Variants in RANBP9 observed in about 807,000 individuals in gnomAD.
The protein encoded by RANBP9 is RAN binding protein 9, also known as ran-binding protein 9.
In RANBP9, 15 loss-of-function variants were observed where a neutral mutation model predicts 84.3. The observed-to-expected ratio is 0.18, with a 90% CI of 0.12 to 0.27. The LOEUF is 0.27. RANBP9 is among the 10% of genes least tolerant of loss of function. The pLI, the probability that RANBP9 is intolerant of heterozygous loss-of-function variation, is 1.00. For missense variants in RANBP9, 809 were observed against 912.8 expected (o/e 0.89, Z 1.46); for synonymous variants, 392 against 349.6 (o/e 1.12, Z -1.35).
intron 5 of RANBP9, among the ~76,000 whole-genome samples, chr6:13,648,480 G>A (rs1172208857): frequency 6.6e-6 from 1 of 152,074 alleles, no homozygotes; most frequent in African/African-American, 2.4e-5. Context: ...GTTCATCCAT[G>A]CAGCAGGTGC....
At chr6:13,630,884 A>T (rs1211937675) in intron 12 of RANBP9, among the ~76,000 whole-genome samples, 3 of 151,996 alleles carry the variant, frequency 2.0e-5, no homozygotes, top group Non-Finnish European at 4.4e-5. Flanking sequence ...TATGTTGCAC[A>T]GGCTGAACCT....
At chr6:13,692,489 C>T (rs536131051) in intron 2 of RANBP9, among the ~76,000 whole-genome samples, 163 of 135,706 alleles carry the variant, frequency 1.2e-3, no homozygotes, top group Non-Finnish European at 1.4e-3. Flanking sequence ...ATCACACCAT[C>T]GCACTCCAGC....
intron 3 of RANBP9, among the ~76,000 whole-genome samples, chr6:13,658,395 G>T (rs989174977): frequency 6.6e-6 from 1 of 152,178 alleles, no homozygotes; most frequent in African/African-American, 2.4e-5. Flanking sequence ...GATCACCTGA[G>T]GTCAGGGGCT....
chr6:13,684,979 G>A (rs925054429), intron 2 of RANBP9, among the ~76,000 whole-genome samples: 5 of 152,002 alleles, frequency 3.3e-5, no homozygotes, highest in Admixed American at 6.6e-5. Context: ...TGCCTCATTC[G>A]CCTCCTCAGC....
rs1758292907 is a variant in RANBP9, at chr6:13,711,660, G to A, written c.-155C>T. 3.4e-6 allele frequency: 2 copies of A among 580,122 alleles called. No individual in the cohort carries two copies. Among genetic ancestry groups the A allele is most frequent in the African/African-American group, 4.0e-5 (2 of 50,152 alleles). 35.9% of individuals were successfully genotyped at this position (580,122 alleles called of 1,614,324 possible). A position where few individuals can be genotyped will look rare whatever the true frequency, so the allele number is the denominator to read the frequency against. ...CCGCGCGCCCAGGGAGACCGCGGCG[G>A]TTGAGGAGCTCGGAGACGCGGGAGT... is the stretch of plus-strand genomic sequence containing the variant. On this transcript the variant is annotated 5_prime_UTR_variant, in exon 1 of 14. Coordinates refer to ENST00000011619, the MANE Select transcript of RANBP9 (RefSeq NM_005493.3).
intron 2 of RANBP9, among the ~76,000 whole-genome samples, chr6:13,663,977 A>C (rs1223664413): frequency 2.0e-5 from 3 of 152,134 alleles, no homozygotes; most frequent in Non-Finnish European, 4.4e-5. Flanking sequence ...AAAAGCAAGA[A>C]GGCCAGTGCT....
chr6:13,666,078 A>G (rs939100854), intron 2 of RANBP9, among the ~76,000 whole-genome samples: 3 of 152,158 alleles, frequency 2.0e-5, no homozygotes, highest in Non-Finnish European at 2.9e-5. Flanking sequence ...AAAACTTATC[A>G]AAGAGTACAC....
chr6:13,693,541 G>A (rs1164687726), intron 2 of RANBP9, among the ~76,000 whole-genome samples: 2 of 152,050 alleles, frequency 1.3e-5, no homozygotes, highest in Admixed American at 1.3e-4. Context: ...GAGCTCAGGA[G>A]TTCAACACCA....
At chr6:13,625,535 A>T in intron 13 of RANBP9, 118 bp downstream of exon 13, 1 of 586,972 alleles carries the variant, frequency 1.7e-6, no homozygotes, top group Admixed American at 2.7e-5. Flanking sequence ...TTTATATTTT[A>T]AAAATATAGA....
At chr6:13,643,013 G>A (rs1765101853) in intron 6 of RANBP9, among the ~76,000 whole-genome samples, 1 of 152,046 alleles carries the variant, frequency 6.6e-6, no homozygotes, top group African/African-American at 2.4e-5. Context: ...TAAAATAAAA[G>A]ATTAACTCTT....
chr6:13,691,163 C>CA (rs767728179), intron 2 of RANBP9, among the ~76,000 whole-genome samples: 1,938 of 57,014 alleles, frequency 0.034, 29 homozygotes, highest in South Asian at 0.14. Context: ...GACTCCGTCT[C>CA]AAAAAAAAAA....
chr6:13,647,741 C>T (rs1419550698), intron 5 of RANBP9, among the ~76,000 whole-genome samples: 4 of 152,068 alleles, frequency 2.6e-5, no homozygotes, highest in Non-Finnish European at 5.9e-5. Flanking sequence ...CTATACATTA[C>T]TTCTGTAATC....
chr6:13,649,545 T>C (rs2127767885), intron 5 of RANBP9, among the ~76,000 whole-genome samples: 1 of 151,784 alleles, frequency 6.6e-6, no homozygotes, highest in South Asian at 2.1e-4. Context: ...CTCTTAACTG[T>C]TAAAGACCAA....
Position 13,625,821 on chromosome 6 carries a change from A to G in RANBP9, c.1948-57T>C, listed in dbSNP as rs1764586753. On this transcript the variant is annotated intron_variant, in intron 12 of 13. Coordinates refer to ENST00000011619, the MANE Select transcript of RANBP9 (RefSeq NM_005493.3). ...CAAATAGTTCAACTATTATGCTCAC[A>G]AATGTTTCCAAGTTGAGAGGTAAAA... 5.5e-6 allele frequency: 7 copies of G among 1,267,988 alleles called. No individual in the cohort carries two copies. The Admixed American group carries it at 1.2e-4, about 21-fold the overall frequency. The allele number at this position is 1,267,988 out of a possible 1,614,324, so 78.5% of individuals were successfully genotyped here. A position where few individuals can be genotyped will look rare whatever the true frequency, so the allele number is the denominator to read the frequency against.
rs563281065 is a variant in RANBP9 at position 13,657,290 on chromosome 6, T to A, written c.737-14A>T. ...GCTTATCCCAACCTAAGGAGAAAGT[T>A]CCGGCATATTTACAATGAAAAGTAA... is the stretch of plus-strand genomic sequence containing the variant. On this transcript the variant is annotated splice_polypyrimidine_tract_variant and intron_variant, in intron 3 of 13. Coordinates refer to ENST00000011619, the MANE Select transcript of RANBP9 (RefSeq NM_005493.3). The A allele has an allele frequency of 6.2e-7, 1 of 1,603,422 alleles. No homozygotes were observed. The highest frequency in any genetic ancestry group is 2.2e-5 in the East Asian group (1 of 44,748).
intron 2 of RANBP9, among the ~76,000 whole-genome samples, chr6:13,659,225 C>T (rs865973126): frequency 6.7e-5 from 10 of 149,424 alleles, no homozygotes; most frequent in African/African-American, 2.5e-4. Flanking sequence ...CCAAGGGACA[C>T]AGTACAAATT....
rs147453415 is a variant in RANBP9, at chr6:13,673,639, T to A, written c.684-14807A>T. ...GGGAGGAGTTGGTTATATTCTGTTA[T>A]AAGGTACCTGCACTATGTGTGAAGC... On this transcript the variant is annotated intron_variant, in intron 2 of 13. Transcript: ENST00000011619. Among the ~76,000 whole-genome samples, 961 of 152,276 alleles carry A rather than the reference T, an allele frequency of 6.3e-3. 11 individuals carry two copies. The highest frequency in any genetic ancestry group is 0.022 in the African/African-American group (908 of 41,548).
chr6:13,690,020 AG>A (rs1766286903), intron 2 of RANBP9, among the ~76,000 whole-genome samples: 2 of 152,180 alleles, frequency 1.3e-5, no homozygotes, highest in Non-Finnish European at 2.9e-5. Flanking sequence ...TATACCATCT[AG>A]GTTTACATAA....
Position 13,711,169 on chromosome 6 carries a change from C to T in RANBP9, c.337G>A (p.Gly113Ser), listed in dbSNP as rs71562480. ...PAPPGLAAGP[G>S]PAGGAPTPAL... ...GGGGTCGGGGCTCCTCCAGCCGGGC[C>T]GGGGCCCGCTGCAAGGCCCGGGGGA... is the stretch of plus-strand genomic sequence containing the variant. Residue 113 changes from glycine to serine, a missense_variant, in exon 1 of 14, where the codon GGC (glycine) becomes AGC (serine). By Grantham distance (56) the Gly-to-Ser change is moderately conservative. Around this residue, in one of 5 missense-constraint regions of RANBP9, gnomAD observed 302 missense variants for 240.1 expected, o/e 1.26. Transcript: ENST00000011619. 323 of 1,379,042 alleles carry T rather than the reference C, an allele frequency of 2.3e-4. No individual in the cohort carries two copies. The highest frequency in any genetic ancestry group is 2.9e-4 in the Non-Finnish European group (307 of 1,063,766). The allele number at this position is 1,379,042 out of a possible 1,614,324, so 85.4% of individuals were successfully genotyped here. A position where few individuals can be genotyped will look rare whatever the true frequency, so the allele number is the denominator to read the frequency against.
Sources: allele counts gnomAD v4.1 joint callset (sites outside exome capture counted in the v4.1 genomes callset), GRCh38; gene constraint gnomAD v4.1.1; regional missense constraint gnomAD v4.1.1; transcripts MANE v1.5; gene names NCBI Gene and HGNC (gene_info 2026-07-23, HGNC 2026-07-21).